The following SHROOM2 variants were observed in gnomAD, a reference collection of about 807,000 sequenced individuals.
SHROOM2 encodes the protein protein Shroom2.
A neutral mutation model predicts 75.9 loss-of-function variants in SHROOM2; 33 were observed. The observed-to-expected ratio is 0.43, with a 90% CI of 0.33 to 0.58. SHROOM2 has a LOEUF of 0.58. Among genes scored for constraint, SHROOM2 ranks in the 20% least tolerant of loss-of-function variants. SHROOM2 has a pLI of 0.04. For missense variants in SHROOM2, 1,434 were observed against 1,461.2 expected (o/e 0.98, Z 0.30); for synonymous variants, 655 against 663.6 (o/e 0.99, Z 0.20).
At position 9,837,694 on chromosome X, in the gene SHROOM2, C is replaced by T. The variant is rs188983612; in HGVS notation, c.166-35958C>T. Among the ~76,000 whole-genome samples, 4 of 112,099 alleles carry T rather than the reference C, an allele frequency of 3.6e-5. No homozygotes were observed. The East Asian group carries it at 8.5e-4, about 24-fold the overall frequency. On this transcript the variant is annotated intron_variant, in intron 1 of 9. Coordinates refer to ENST00000380913, the MANE Select transcript of SHROOM2 (RefSeq NM_001649.4). ...GTGGCCAGACTGTGTTGGGCCTGGT[C>T]GTGTGCTTGATCTGCTGTACTGGGG...
chrX:9,809,203 A>T (rs570382249), intron 1 of SHROOM2, among the ~76,000 whole-genome samples: 59 of 111,159 alleles, frequency 5.3e-4, no homozygotes, highest in African/African-American at 1.9e-3. Context: ...GCCATCTGCA[A>T]GCTGAGGAGC....
At chrX:9,817,081 C>T (rs779072241) in intron 1 of SHROOM2, among the ~76,000 whole-genome samples, 9 of 110,401 alleles carry the variant, frequency 8.2e-5, no homozygotes, top group Admixed American at 7.7e-4. Context: ...AAGTGATCCT[C>T]CTACCTCAGC....
At chrX:9,883,263 G>T (rs764588993) in intron 2 of SHROOM2, among the ~76,000 whole-genome samples, 7 of 112,181 alleles carry the variant, frequency 6.2e-5, no homozygotes, top group African/African-American at 2.3e-4. Flanking sequence ...ACAGGCCAGC[G>T]GAGCGATCCT....
intron 3 of SHROOM2, among the ~76,000 whole-genome samples, chrX:9,892,818 A>G (rs1037339182): frequency 2.7e-5 from 3 of 112,095 alleles, no homozygotes; most frequent in Non-Finnish European, 5.6e-5. Flanking sequence ...CTCTCCCCCA[A>G]CCTAGTGGAG....
intron 1 of SHROOM2, among the ~76,000 whole-genome samples, chrX:9,815,707 G>A (rs963115044): frequency 2.7e-5 from 3 of 109,828 alleles, no homozygotes; most frequent in Non-Finnish European, 5.7e-5. Flanking sequence ...TCCCAAAACT[G>A]AAGAACTTGG....
chrX:9,862,847 C>A (rs2084112049), intron 1 of SHROOM2, among the ~76,000 whole-genome samples: 1 of 112,482 alleles, frequency 8.9e-6, no homozygotes, highest in African/African-American at 3.2e-5. Flanking sequence ...AACAGGTTGT[C>A]TTCAGAGCTG....
At chrX:9,833,793 G>T (rs1298877762) in intron 1 of SHROOM2, among the ~76,000 whole-genome samples, 2 of 111,414 alleles carry the variant, frequency 1.8e-5, no homozygotes, top group African/African-American at 3.3e-5. Flanking sequence ...AGTCTCGAGG[G>T]GCTTCAGGCA....
chrX:9,909,178 C>T (rs902854034), intron 5 of SHROOM2, among the ~76,000 whole-genome samples: 2 of 110,522 alleles, frequency 1.8e-5, no homozygotes, highest in Non-Finnish European at 1.9e-5. Context: ...GTAAACCCAG[C>T]GGTGACAACA....
intron 5 of SHROOM2, among the ~76,000 whole-genome samples, chrX:9,898,607 T>C (rs762590644): frequency 1.5e-4 from 17 of 111,947 alleles, no homozygotes; most frequent in Non-Finnish European, 3.0e-4. Context: ...AGAAGTCCAG[T>C]TGAACATACT....
At position 9,947,402 on chromosome X, in the gene SHROOM2, C is replaced by T. The variant is rs746614257; in HGVS notation, c.*465C>T. ...TGGGCTGCCAGGTTTTGTCCCTGCT[C>T]GTTCAACAGTGTGAGCATTTGTCTC... On this transcript the variant is annotated 3_prime_UTR_variant, in exon 10 of 10. Transcript: ENST00000380913. The T allele has an allele frequency of 7.9e-6, 1 of 126,423 alleles. No homozygotes were observed. The highest frequency in any genetic ancestry group is 2.8e-4 in the South Asian group (1 of 3,526). 10.4% of individuals were successfully genotyped at this position (126,423 alleles called of 1,213,427 possible).
intron 5 of SHROOM2, among the ~76,000 whole-genome samples, chrX:9,906,616 G>A (rs2084392642): frequency 8.9e-6 from 1 of 111,769 alleles, no homozygotes; most frequent in East Asian, 2.8e-4. Context: ...CCAACATGGT[G>A]AAACCCCGTC....
At position 9,829,355 on chromosome X, in the gene SHROOM2, C is replaced by T. The variant is rs189161503; in HGVS notation, c.165+42645C>T. Among the ~76,000 whole-genome samples, 17 of 112,495 alleles carry T rather than the reference C, an allele frequency of 1.5e-4. No homozygotes were observed. In the East Asian group the frequency reaches 3.9e-3, roughly 26 times the overall value. On this transcript the variant is annotated intron_variant, in intron 1 of 9. Coordinates refer to ENST00000380913, the MANE Select transcript of SHROOM2 (RefSeq NM_001649.4). ...GCTGAGTAGCTGTCGCCAGTCTACA[C>T]ATGCCAGCTGTTACCAGCAGCACTA...
At chrX:9,837,660 C>T (rs1230835025) in intron 1 of SHROOM2, among the ~76,000 whole-genome samples, 1 of 112,186 alleles carries the variant, frequency 8.9e-6, no homozygotes, top group African/African-American at 3.2e-5. Context: ...CAAGTGGAGA[C>T]AGCACCAGGT....
intron 5 of SHROOM2, among the ~76,000 whole-genome samples, chrX:9,910,273 G>A (rs1219506235): frequency 1.8e-5 from 2 of 111,390 alleles, no homozygotes; most frequent in African/African-American, 3.3e-5. Flanking sequence ...TAATATTAAT[G>A]TACCAATATT....
chrX:9,860,716 G>A (rs770879464), intron 1 of SHROOM2, among the ~76,000 whole-genome samples: 2 of 112,105 alleles, frequency 1.8e-5, no homozygotes, highest in African/African-American at 6.5e-5. Flanking sequence ...GAGCCACCGT[G>A]TCTGGCCACT....
In SHROOM2 at chrX:9,932,760, G is replaced by A; in HGVS notation, c.3477G>A (p.Leu1159=). The change falls in exon 6 of 10, where the codon CTG becomes CTA. Residue 1159 remains leucine (L), a synonymous_variant. Transcript: ENST00000380913. ...EALLPPKQQH[L]RLQTATMETS... is the part of the protein sequence containing the mutation. ...TGCTCCCTCCCAAGCAGCAGCACCT[G>A]CGCCTGCAGACGGCCACCATGGAGA... 8.3e-7 allele frequency: 1 copy of A among 1,210,654 alleles called. No individual in the cohort carries two copies. Among genetic ancestry groups the A allele is most frequent in the Non-Finnish European group, 1.1e-6 (1 of 895,527 alleles).
At position 9,891,868 on chromosome X, in the gene SHROOM2, GGTGTGTGTGTGT is replaced by G. The variant is rs113988652; in HGVS notation, c.449+774_449+785del. Among the ~76,000 whole-genome samples the G allele has an allele frequency of 1.2e-4, 12 of 103,779 alleles. No homozygotes were observed. The East Asian group carries it at 1.9e-3, about 16-fold the overall frequency. 90.1% of individuals were successfully genotyped at this position (103,779 alleles called of 115,157 possible). A position where few individuals can be genotyped will look rare whatever the true frequency, so the allele number is the denominator to read the frequency against. On this transcript the variant is annotated intron_variant, in intron 3 of 9. Transcript: ENST00000380913. ...TGTGTGAGTATCAGTGAGCATGTTTGGTGTGTGTGTGTGTGTGTGTGTGTGCGCGTGCGTGCA... is the reference window on the plus strand; with the variant it reads ...TGTGTGAGTATCAGTGAGCATGTTTGGTGTGTGTGTGTGCGCGTGCGTGCA...
chrX:9,810,665 G>C (rs753079779), intron 1 of SHROOM2, among the ~76,000 whole-genome samples: 1 of 110,494 alleles, frequency 9.1e-6, no homozygotes, highest in South Asian at 3.9e-4. Context: ...ATCACTAGGG[G>C]TGATGGTGAG....
At chrX:9,797,104 G>A (rs1014553415) in intron 1 of SHROOM2, among the ~76,000 whole-genome samples, 5 of 112,544 alleles carry the variant, frequency 4.4e-5, no homozygotes, top group African/African-American at 1.6e-4. Context: ...TGGCAGAAAT[G>A]CTGCCTGCCC....
Sources: allele counts gnomAD v4.1 joint callset (sites outside exome capture counted in the v4.1 genomes callset), GRCh38; gene constraint gnomAD v4.1.1; transcripts MANE v1.5; gene names NCBI Gene and HGNC (gene_info 2026-07-23, HGNC 2026-07-21).